The following FYB2 variants were observed in gnomAD, a reference collection of about 807,000 sequenced individuals.
FYB2 encodes the protein FYN binding protein 2.
In FYB2, 103 loss-of-function variants were observed where a neutral mutation model predicts 94.1. The observed-to-expected ratio is 1.09, with a 90% CI of 0.93 to 1.29. FYB2 has a LOEUF of 1.29. Ranked by LOEUF, FYB2 falls within the 50% of genes most tolerant of loss-of-function variation. The probability of loss-of-function intolerance (pLI) is 0.00; values close to 1 mark genes in which losing one functional copy is unlikely to be tolerated. For missense variants in FYB2, 896 were observed against 841.5 expected (o/e 1.06, Z -0.80); for synonymous variants, 293 against 287.9 (o/e 1.02, Z -0.18).
At chr1:56,752,124 G>A (rs1276776251) in intron 8 of FYB2, among the ~76,000 whole-genome samples, 1 of 151,944 alleles carries the variant, frequency 6.6e-6, no homozygotes, top group South Asian at 2.1e-4. Context: ...AGAGTTGAAG[G>A]AAAAAGATAA....
At chr1:56,783,865 A>G (rs1490325942) in intron 4 of FYB2, among the ~76,000 whole-genome samples, 1 of 152,206 alleles carries the variant, frequency 6.6e-6, no homozygotes, top group African/African-American at 2.4e-5. Context: ...CTCCTCATCA[A>G]TGAATTTTTG....
At chr1:56,763,813 T>C (rs1217528421) in intron 5 of FYB2, among the ~76,000 whole-genome samples, 1 of 152,170 alleles carries the variant, frequency 6.6e-6, no homozygotes, top group Non-Finnish European at 1.5e-5. Context: ...TTATTTCTAA[T>C]CTTATCCTTA....
chr1:56,772,855 T>C (rs10489621), intron 4 of FYB2, among the ~76,000 whole-genome samples: 28,273 of 152,176 alleles, frequency 0.19, 3,403 homozygotes, highest in East Asian at 0.49. Flanking sequence ...GTAATATTAG[T>C]GTATTAGAGG....
chr1:56,780,211 A>G (rs1190547163), intron 4 of FYB2, among the ~76,000 whole-genome samples: 2 of 152,142 alleles, frequency 1.3e-5, no homozygotes, highest in Non-Finnish European at 2.9e-5. Flanking sequence ...TTCTTTCTCA[A>G]TCATGACTTT....
intron 17 of FYB2, among the ~76,000 whole-genome samples, chr1:56,723,300 G>T (rs917228839): frequency 2.6e-5 from 4 of 152,002 alleles, no homozygotes; most frequent in Admixed American, 1.3e-4. Context: ...TATAAAATGT[G>T]CTGAAGGAGT....
intron 1 of FYB2, among the ~76,000 whole-genome samples, chr1:56,814,259 T>C (rs974415996): frequency 6.6e-5 from 10 of 152,146 alleles, no homozygotes; most frequent in African/African-American, 2.4e-4. Flanking sequence ...TGCCTCGGCT[T>C]TATCATCCAG....
chr1:56,813,464 C>A (rs1439113925), intron 1 of FYB2, among the ~76,000 whole-genome samples: 2 of 152,154 alleles, frequency 1.3e-5, no homozygotes, highest in African/African-American at 2.4e-5. Context: ...AAAAACCCAC[C>A]CCCATGATTC....
intron 5 of FYB2, among the ~76,000 whole-genome samples, chr1:56,760,955 A>G (rs1237144985): frequency 6.6e-6 from 1 of 152,198 alleles, no homozygotes; most frequent in Non-Finnish European, 1.5e-5. Flanking sequence ...TTATGACAAG[A>G]GCATGTGATC....
intron 13 of FYB2, among the ~76,000 whole-genome samples, chr1:56,739,309 A>G (rs938590761): frequency 6.6e-6 from 1 of 152,066 alleles, no homozygotes; most frequent in Non-Finnish European, 1.5e-5. Flanking sequence ...AAAACATCTA[A>G]TCTGCTAAGG....
intron 1 of FYB2, among the ~76,000 whole-genome samples, chr1:56,798,159 G>A (rs763144853): frequency 8.5e-5 from 13 of 152,204 alleles, no homozygotes; most frequent in Admixed American, 2.0e-4. Flanking sequence ...TGCAGGAACC[G>A]TAACTCAGCA....
At chr1:56,762,815 C>T (rs969024721) in intron 5 of FYB2, among the ~76,000 whole-genome samples, 5 of 152,118 alleles carry the variant, frequency 3.3e-5, no homozygotes, top group African/African-American at 9.7e-5. Flanking sequence ...GCCTTGTTAC[C>T]GGTAGTAGGG....
chr1:56,787,470 C>T (rs1336620948), intron 3 of FYB2, among the ~76,000 whole-genome samples: 4 of 152,324 alleles, frequency 2.6e-5, no homozygotes, highest in South Asian at 4.1e-4. Context: ...AGACCAGAAC[C>T]CCTGTGGGGT....
chr1:56,759,709 G>A (rs144665112), intron 5 of FYB2, among the ~76,000 whole-genome samples: 1 of 152,188 alleles, frequency 6.6e-6, no homozygotes, highest in East Asian at 1.9e-4. Flanking sequence ...TCATTTCTTT[G>A]AGCCTCAGCT....
chr1:56,819,456 C>T (rs886414926), upstream of FYB2: 54 of 979,226 alleles, frequency 5.5e-5, no homozygotes, highest in African/African-American at 8.0e-4. Context: ...GCCGAGGCTC[C>T]TCCCTTGCCT....
intron 13 of FYB2, among the ~76,000 whole-genome samples, chr1:56,740,484 A>AT (rs917656393): frequency 6.6e-6 from 1 of 151,906 alleles, no homozygotes; most frequent in Non-Finnish European, 1.5e-5. Flanking sequence ...TTTCTCTGCC[A>AT]TTTTTTCAAA....
intron 8 of FYB2, among the ~76,000 whole-genome samples, chr1:56,753,404 A>T (rs1260051357): frequency 1.3e-5 from 2 of 152,140 alleles, no homozygotes; most frequent in South Asian, 2.1e-4. Flanking sequence ...TAGAATTGGC[A>T]TGGGAATGGG....
At chr1:56,768,057 C>G in intron 4 of FYB2, 119 bp from the exon 5 acceptor site, 1 of 703,436 alleles carries the variant, frequency 1.4e-6, no homozygotes, top group Non-Finnish European at 2.3e-6. Context: ...GTGACCTAAG[C>G]ATATATGGGA....
intron 1 of FYB2, among the ~76,000 whole-genome samples, chr1:56,797,097 C>G (rs1646418402): frequency 6.6e-6 from 1 of 152,014 alleles, no homozygotes; most frequent in Non-Finnish European, 1.5e-5. Context: ...AGCAGGTTTC[C>G]TAGAGGAGAT....
In FYB2 at chr1:56,792,324, T is replaced by C. The variant is rs200297200; in HGVS notation, c.489A>G (p.Gly163=). The change falls in exon 2 of 20, where the codon GGA becomes GGG. Residue 163 remains glycine (G), a synonymous_variant. Transcript: ENST00000343433. The part of the protein sequence containing the change: ...MSSALLLANY[G]SKAIHLEGQK... ...GCCCTTCCAGATGGATGGCCTTACTTCCATAGTTGGCAAGGAGAAGGGCTG... is the reference window on the plus strand; with the variant it reads ...GCCCTTCCAGATGGATGGCCTTACTCCCATAGTTGGCAAGGAGAAGGGCTG... 1 of 1,614,092 alleles carries C rather than the reference T, an allele frequency of 6.2e-7. No individual in the cohort carries two copies. The highest frequency in any genetic ancestry group is 2.2e-5 in the East Asian group (1 of 44,854).
Sources: gnomAD v4.1 joint callset for allele counts (sites outside exome capture counted in the v4.1 genomes callset) on GRCh38, gnomAD v4.1.1 for gene constraint, MANE v1.5 for transcripts, NCBI Gene and HGNC (gene_info 2026-07-23, HGNC 2026-07-21) for gene names.